Variants in CDH13 observed in about 807,000 individuals in gnomAD.
The protein encoded by CDH13 is cadherin 13, also known as cadherin-13.
Under a neutral mutation model 63.8 loss-of-function variants are expected in CDH13, and 24 were observed. That is an observed-to-expected ratio of 0.38 (90% CI 0.27 to 0.53). The LOEUF is 0.53. Among genes scored for constraint, CDH13 ranks in the 20% least tolerant of loss-of-function variants. CDH13 has a pLI of 0.85. For synonymous variants in CDH13, 503 were observed against 355.3 expected (o/e 1.42, Z -4.67); for missense variants, 1,049 against 903.1 (o/e 1.16, Z -2.07).
intron 5 of CDH13, among the ~76,000 whole-genome samples, chr16:83,225,672 C>T (rs1189928380): frequency 6.6e-6 from 1 of 152,164 alleles, no homozygotes; most frequent in African/African-American, 2.4e-5. Context: ...CCCTTAGAAT[C>T]ATCTGGGGAG....
chr16:83,143,064 G>A (rs79832687), intron 4 of CDH13, among the ~76,000 whole-genome samples: 14,779 of 152,220 alleles, frequency 0.097, 880 homozygotes, highest in South Asian at 0.2. Flanking sequence ...AGATCGTGCC[G>A]TTGCGCTCCA....
At chr16:82,744,994 G>C (rs138058074) in intron 1 of CDH13, among the ~76,000 whole-genome samples, 8 of 152,316 alleles carry the variant, frequency 5.3e-5, no homozygotes, top group African/African-American at 1.9e-4. Flanking sequence ...TTCTTTTCCA[G>C]TACGGAGAGC....
intron 3 of CDH13, among the ~76,000 whole-genome samples, chr16:83,099,980 C>A (rs557715067): frequency 6.2e-4 from 94 of 152,244 alleles, no homozygotes; most frequent in African/African-American, 2.2e-3. Context: ...AGCCTACTGC[C>A]CTGATCATGC....
At chr16:83,431,888 A>G (rs1021510977) in intron 6 of CDH13, among the ~76,000 whole-genome samples, 1 of 152,156 alleles carries the variant, frequency 6.6e-6, no homozygotes, top group African/African-American at 2.4e-5. Flanking sequence ...GATCCAAACC[A>G]TATCCATCAT....
intron 1 of CDH13, among the ~76,000 whole-genome samples, chr16:82,725,624 A>G (rs1275627576): frequency 1.3e-5 from 2 of 152,212 alleles, no homozygotes; most frequent in African/African-American, 4.8e-5. Flanking sequence ...TTTTGAAATT[A>G]AGAGGTGCCT....
intron 4 of CDH13, among the ~76,000 whole-genome samples, chr16:83,180,515 C>T (rs979167287): frequency 6.6e-6 from 1 of 152,126 alleles, no homozygotes; most frequent in Non-Finnish European, 1.5e-5. Flanking sequence ...TGGTAGCTAA[C>T]TGAAATGACA....
intron 10 of CDH13, among the ~76,000 whole-genome samples, chr16:83,747,173 T>C (rs1024345604): frequency 6.6e-6 from 1 of 152,234 alleles, no homozygotes; most frequent in Non-Finnish European, 1.5e-5. Flanking sequence ...TGCCCTCGCG[T>C]AACCTACATC....
intron 3 of CDH13, among the ~76,000 whole-genome samples, chr16:83,114,010 C>T (rs760735309): frequency 2.0e-5 from 3 of 152,154 alleles, no homozygotes; most frequent in Non-Finnish European, 2.9e-5. Flanking sequence ...GAAGAGAGAA[C>T]ATCTGGAGTT....
At chr16:83,001,478 G>A (rs1372684553) in intron 2 of CDH13, among the ~76,000 whole-genome samples, 1 of 152,220 alleles carries the variant, frequency 6.6e-6, no homozygotes, top group African/African-American at 2.4e-5. Flanking sequence ...AAATGCCATT[G>A]CTCACATGAA....
intron 11 of CDH13, among the ~76,000 whole-genome samples, chr16:83,763,868 A>G (rs1214674739): frequency 2.0e-5 from 3 of 152,166 alleles, no homozygotes; most frequent in Non-Finnish European, 4.4e-5. Flanking sequence ...GATCAGAGCC[A>G]TTGGAGGGGC....
At chr16:83,367,221 G>A (rs573942696) in intron 6 of CDH13, among the ~76,000 whole-genome samples, 1 of 152,310 alleles carries the variant, frequency 6.6e-6, no homozygotes, top group South Asian at 2.1e-4. Flanking sequence ...ATGCAGTCAT[G>A]CAATATGTGG....
At position 82,939,666 on chromosome 16, in the gene CDH13, T is replaced by C. The variant is rs1597254467; in HGVS notation, c.157+81193T>C. Among the ~76,000 whole-genome samples the C allele has an allele frequency of 2.0e-5, 3 of 152,306 alleles. No homozygotes were observed. The South Asian group carries it at 6.2e-4, about 32-fold the overall frequency. On this transcript the variant is annotated intron_variant, in intron 2 of 13. Coordinates refer to ENST00000567109, the MANE Select transcript of CDH13 (RefSeq NM_001257.5). ...CTTCTATTAGTGTGGTTGTTTGCTG[T>C]CTTCTCCAGAATGGATGTTTTTAAG... is the stretch of plus-strand genomic sequence containing the variant.
intron 1 of CDH13, among the ~76,000 whole-genome samples, chr16:82,773,837 G>T (rs986965063): frequency 4.0e-5 from 6 of 150,354 alleles, no homozygotes; most frequent in Non-Finnish European, 8.9e-5. Flanking sequence ...AGGCTGGAGT[G>T]CAATTGCGCG....
chr16:83,433,376 A>T (rs781307664), intron 6 of CDH13, among the ~76,000 whole-genome samples: 3 of 152,204 alleles, frequency 2.0e-5, no homozygotes, highest in Non-Finnish European at 4.4e-5. Context: ...AAAATGAGAA[A>T]CACGAAAAAG....
chr16:83,478,627 A>T (rs2073674217), intron 6 of CDH13, among the ~76,000 whole-genome samples: 1 of 152,144 alleles, frequency 6.6e-6, no homozygotes, highest in Non-Finnish European at 1.5e-5. Flanking sequence ...TACAAAGCCA[A>T]ATCTCCCAGA....
At chr16:83,081,550 A>G (rs892159166) in intron 3 of CDH13, among the ~76,000 whole-genome samples, 1 of 152,230 alleles carries the variant, frequency 6.6e-6, no homozygotes, top group Non-Finnish European at 1.5e-5. Flanking sequence ...ACTGGGTAGT[A>G]TAGAAAACAA....
At chr16:83,771,343 T>C (rs1175122013) in intron 11 of CDH13, among the ~76,000 whole-genome samples, 1 of 152,182 alleles carries the variant, frequency 6.6e-6, no homozygotes, top group East Asian at 1.9e-4. Flanking sequence ...ACTGCTCAAC[T>C]TGAAGAAATA....
At chr16:83,527,815 C>A (rs1433949849) in intron 7 of CDH13, among the ~76,000 whole-genome samples, 1 of 152,178 alleles carries the variant, frequency 6.6e-6, no homozygotes, top group East Asian at 1.9e-4. Context: ...AAATTAAAGA[C>A]TTTTGAGATC....
intron 4 of CDH13, among the ~76,000 whole-genome samples, chr16:83,184,146 T>TAAAA (rs545692184): frequency 1.2e-4 from 15 of 123,356 alleles, no homozygotes; most frequent in African/African-American, 4.1e-4. Flanking sequence ...ACACAACTAG[T>TAAAA]AAAAAAAAAA....
Sources: gnomAD v4.1 joint callset for allele counts (sites outside exome capture counted in the v4.1 genomes callset) on GRCh38, gnomAD v4.1.1 for gene constraint, MANE v1.5 for transcripts, NCBI Gene and HGNC (gene_info 2026-07-23, HGNC 2026-07-21) for gene names.